The following NEBL variants were observed in gnomAD, a reference collection of about 807,000 sequenced individuals.
NEBL encodes the protein nebulette.
Under a neutral mutation model 140.2 loss-of-function variants are expected in NEBL, and 122 were observed. The ratio of observed to expected loss-of-function variants is 0.87; its 90% CI spans 0.75 to 1.01. The LOEUF is 1.01. Among genes scored for constraint, NEBL ranks in the 50% least tolerant of loss-of-function variants. The pLI, the probability that NEBL is intolerant of heterozygous loss-of-function variation, is 0.00. For synonymous variants in NEBL, 436 were observed against 398.9 expected (o/e 1.09, Z -1.11); for missense variants, 1,365 against 1,231.3 (o/e 1.11, Z -1.62).
chr10:21,288,768 A>AAAAGAAAAAG (rs1843095957), intron 1 of NEBL, among the ~76,000 whole-genome samples: 1 of 118,950 alleles, frequency 8.4e-6, no homozygotes, highest in Non-Finnish European at 1.7e-5. Flanking sequence ...GCCAAAAAAA[A>AAAAGAAAAAG]AAAAAAGAAA....
chr10:20,898,395 C>T (rs1391109486), upstream of NEBL, among the ~76,000 whole-genome samples: 1 of 151,552 alleles, frequency 6.6e-6, no homozygotes, highest in Non-Finnish European at 1.5e-5. Context: ...TCTAAGTAGC[C>T]AAGCATAATT....
chr10:21,067,033 C>T (rs546486442), intron 2 of NEBL, among the ~76,000 whole-genome samples: 12 of 131,618 alleles, frequency 9.1e-5, no homozygotes, highest in South Asian at 2.4e-4. Flanking sequence ...AGTGCAGTGG[C>T]GCGATCTCCA....
intron 3 of NEBL, among the ~76,000 whole-genome samples, chr10:21,005,608 C>A (rs2131726735): frequency 6.6e-6 from 1 of 152,254 alleles, no homozygotes; most frequent in Non-Finnish European, 1.5e-5. Context: ...GTGGTGCACA[C>A]TTGTGATCCC....
intron 12 of NEBL, 44 bp from the exon 13 acceptor site, chr10:20,840,893 CT>C: frequency 8.9e-7 from 1 of 1,124,362 alleles, no homozygotes; most frequent in Non-Finnish European, 1.3e-6. Flanking sequence ...GCAGGAATCA[CT>C]TTATTCAGTG....
At chr10:20,870,929 T>C (rs1360565426) in intron 5 of NEBL, among the ~76,000 whole-genome samples, 1 of 152,220 alleles carries the variant, frequency 6.6e-6, no homozygotes, top group Non-Finnish European at 1.5e-5. Context: ...TGGCATAATG[T>C]CCGATGGCCC....
chr10:20,846,116 T>C (rs956516526), intron 11 of NEBL, among the ~76,000 whole-genome samples: 2 of 152,148 alleles, frequency 1.3e-5, no homozygotes, highest in African/African-American at 4.8e-5. Context: ...TATGACTCTC[T>C]AAATTCTAAC....
At chr10:21,061,247 C>CATATTATGTGATATGTAACATATTAA in intron 2 of NEBL, among the ~76,000 whole-genome samples, 1 of 146,166 alleles carries the variant, frequency 6.8e-6, no homozygotes, top group African/African-American at 2.6e-5. Flanking sequence ...TGATATATTA[C>CATATTATGTGATATGTAACATATTAA]ATATTATGTG....
In NEBL at chr10:20,835,596, T is replaced by C. The variant is rs144402571; in HGVS notation, c.1366A>G (p.Ile456Val). ...EKEYKKDLESIIKGKGMQAGT... is the reference protein window; with the variant it reads ...EKEYKKDLESVIKGKGMQAGT... ...GCTTGCATTCCTTTCCCTTTAATTATTGACTCCAGGTCTTTCTTGTATTCT... is the reference window on the plus strand; with the variant it reads ...GCTTGCATTCCTTTCCCTTTAATTACTGACTCCAGGTCTTTCTTGTATTCT... Residue 456 changes from isoleucine to valine, a missense_variant, in exon 14 of 28, where the codon ATA becomes GTA. By Grantham distance (29) the Ile-to-Val change is conservative. Around this residue, in one of 2 missense-constraint regions of NEBL, gnomAD observed 1,323 missense variants for 1,154.8 expected, o/e 1.15. Coordinates refer to ENST00000377122, the MANE Select transcript of NEBL (RefSeq NM_006393.3). 3.0e-5 allele frequency: 49 copies of C among 1,611,506 alleles called. No individual in the cohort carries two copies. In the African/African-American group the frequency reaches 3.9e-4, roughly 13 times the overall value.
intron 2 of NEBL, among the ~76,000 whole-genome samples, chr10:21,112,232 A>C (rs1441606427): frequency 1.3e-4 from 20 of 152,304 alleles, no homozygotes; most frequent in South Asian, 8.3e-4. Flanking sequence ...CAGTGATCCC[A>C]TTACTGGGTA....
At chr10:21,102,895 G>A (rs1474959412) in intron 2 of NEBL, among the ~76,000 whole-genome samples, 1 of 152,104 alleles carries the variant, frequency 6.6e-6, no homozygotes, top group Admixed American at 6.5e-5. Context: ...AGGTAAGAGT[G>A]TGCCATAGCG....
intron 22 of NEBL, among the ~76,000 whole-genome samples, chr10:20,814,541 G>A (rs1838512987): frequency 6.6e-6 from 1 of 151,736 alleles, no homozygotes; most frequent in Non-Finnish European, 1.5e-5. Context: ...GTTCAAAGCT[G>A]CAATGAGCTA....
At chr10:21,092,559 A>G (rs1226536822) in intron 2 of NEBL, among the ~76,000 whole-genome samples, 1 of 148,662 alleles carries the variant, frequency 6.7e-6, no homozygotes, top group East Asian at 2.0e-4. Flanking sequence ...ATTTTAATTC[A>G]CATGGACTTC....
chr10:20,965,081 A>G (rs1836239271), intron 3 of NEBL, among the ~76,000 whole-genome samples: 2 of 152,242 alleles, frequency 1.3e-5, no homozygotes, highest in Non-Finnish European at 2.9e-5. Flanking sequence ...GATTCTATCA[A>G]GGAAAGAGCA....
intron 3 of NEBL, among the ~76,000 whole-genome samples, chr10:20,985,110 A>G (rs1254540908): frequency 2.0e-5 from 3 of 152,190 alleles, no homozygotes; most frequent in Non-Finnish European, 4.4e-5. Flanking sequence ...ATGTATTACA[A>G]TGTAATAATA....
intron 26 of NEBL, chr10:20,793,310 T>G (rs2131648745): frequency 1.1e-6 from 1 of 941,668 alleles, no homozygotes; most frequent in South Asian, 4.9e-5. Context: ...TGGGAATCAT[T>G]TAAAAATAAA....
intron 3 of NEBL, among the ~76,000 whole-genome samples, chr10:21,196,307 TTTTATTTTTATTTA>T (rs1350281074): frequency 7.2e-6 from 1 of 139,828 alleles, no homozygotes; most frequent in African/African-American, 2.7e-5. Flanking sequence ...GGGCCTATAT[TTTTATTTTTATTTA>T]TTTATTTATT....
At chr10:21,022,518 T>A (rs1161750041) in intron 2 of NEBL, among the ~76,000 whole-genome samples, 1 of 152,254 alleles carries the variant, frequency 6.6e-6, no homozygotes, top group African/African-American at 2.4e-5. Flanking sequence ...AGGAATTTAA[T>A]GTCCCATATA....
At chr10:21,271,526 CTTTT>C (rs541717448) in intron 1 of NEBL, among the ~76,000 whole-genome samples, 4 of 141,048 alleles carry the variant, frequency 2.8e-5, no homozygotes, top group African/African-American at 7.8e-5. Flanking sequence ...GTAAACAGAT[CTTTT>C]TTTTTTTTTT....
At chr10:20,801,517 C>A (rs1181874696) in intron 26 of NEBL, among the ~76,000 whole-genome samples, 1 of 152,000 alleles carries the variant, frequency 6.6e-6, no homozygotes, top group Non-Finnish European at 1.5e-5. Context: ...TATTTCTAAC[C>A]CTATGCAATA....
Sources: gnomAD v4.1 joint callset for allele counts (sites outside exome capture counted in the v4.1 genomes callset) on GRCh38, gnomAD v4.1.1 for gene constraint, gnomAD v4.1.1 regional missense constraint, MANE v1.5 for transcripts, NCBI Gene and HGNC (gene_info 2026-07-23, HGNC 2026-07-21) for gene names.